GNE: variants seen among roughly 807,000 people sequenced by gnomAD.
GNE encodes the protein glucosamine (UDP-N-acetyl)-2-epimerase/N-acetylmannosamine kinase, also known as bifunctional UDP-N-acetylglucosamine 2-epimerase/N-acetylmannosamine kinase.
Under a neutral mutation model 61.8 loss-of-function variants are expected in GNE, and 41 were observed. The ratio of observed to expected loss-of-function variants is 0.66; its 90% confidence interval spans 0.52 to 0.86. GNE has a LOEUF of 0.86. Among genes scored for constraint, GNE ranks in the 40% least tolerant of loss-of-function variants. The pLI, the probability that GNE is intolerant of heterozygous loss-of-function variation, is 0.00. For synonymous variants in GNE, 264 were observed against 326.4 expected (o/e 0.81, Z 2.06); for missense variants, 608 against 909.1 (o/e 0.67, Z 4.26).
rs192847467 is a variant in GNE, at chr9:36,222,740, T to G, written c.1633+37A>C. On this transcript the variant is annotated intron_variant, in intron 9 of 11. Coordinates refer to ENST00000642385, the MANE Select transcript of GNE (RefSeq NM_005476.7). ...GTTGAAGACATGCTCCAATATACATTCTAGCTCCTGAACCAACCTCCCCCT... is the reference window on the plus strand; with the variant it reads ...GTTGAAGACATGCTCCAATATACATGCTAGCTCCTGAACCAACCTCCCCCT... 16 of 1,341,338 alleles carry G rather than the reference T, an allele frequency of 1.2e-5. No homozygotes were observed. The Admixed American group carries it at 2.7e-4, about 22-fold the overall frequency. 83.1% of individuals were successfully genotyped at this position (1,341,338 alleles called of 1,614,324 possible). A position where few individuals can be genotyped will look rare whatever the true frequency, so the allele number is the denominator to read the frequency against.
intron 9 of GNE, among the ~76,000 whole-genome samples, chr9:36,220,510 C>T (rs1043339629): frequency 6.6e-6 from 1 of 152,148 alleles, no homozygotes; most frequent in Non-Finnish European, 1.5e-5. Flanking sequence ...GTTCAGCCCC[C>T]TTTGCCCTCA....
At chr9:36,230,432 G>A (rs1258363114) in intron 5 of GNE, among the ~76,000 whole-genome samples, 1 of 151,708 alleles carries the variant, frequency 6.6e-6, no homozygotes, top group Non-Finnish European at 1.5e-5. Context: ...CCAGAGGTTG[G>A]TCCTGGGCTC....
chr9:36,222,200 C>T (rs574016745), intron 9 of GNE, among the ~76,000 whole-genome samples: 5 of 152,022 alleles, frequency 3.3e-5, no homozygotes, highest in South Asian at 4.2e-4. Context: ...GGGCGGATCA[C>T]GAGGTCAGGA....
chr9:36,251,096 C>G (rs1414317122), intron 1 of GNE, among the ~76,000 whole-genome samples: 1 of 152,194 alleles, frequency 6.6e-6, no homozygotes, highest in Non-Finnish European at 1.5e-5. Context: ...ACTAGTGAAT[C>G]TCCGTATATC....
upstream of GNE, among the ~76,000 whole-genome samples, chr9:36,260,608 G>A (rs1225240711): frequency 6.6e-6 from 1 of 151,852 alleles, no homozygotes; most frequent in Non-Finnish European, 1.5e-5. Flanking sequence ...GGTGGCTCAC[G>A]CCTGTAATCC....
intron 3 of GNE, among the ~76,000 whole-genome samples, chr9:36,245,713 A>G (rs1829842924): frequency 6.6e-6 from 1 of 152,168 alleles, no homozygotes; most frequent in Non-Finnish European, 1.5e-5. Context: ...ATGGCATATT[A>G]CACTTATAAT....
At chr9:36,274,068 CTGTGTGTGTGTGTGTGTGTGTGTGTG>C (rs71336439) in intron 1 of GNE, among the ~76,000 whole-genome samples, 1 of 142,222 alleles carries the variant, frequency 7.0e-6, no homozygotes, top group East Asian at 2.1e-4. Context: ...GTCTATGGTA[CTGTGTGTGTGTGTGTGTGTGTGTGTG>C]TGTGTGTGTG....
chr9:36,227,958 G>C (rs35422745), intron 6 of GNE, among the ~76,000 whole-genome samples: 4 of 150,644 alleles, frequency 2.7e-5, no homozygotes, highest in Non-Finnish European at 5.9e-5. Context: ...GCTTGAACCC[G>C]GGAAGCGGAG....
intron 6 of GNE, among the ~76,000 whole-genome samples, chr9:36,228,793 C>CAAAAAAAAAA: frequency 1.4e-5 from 1 of 72,578 alleles, no homozygotes; most frequent in Non-Finnish European, 2.8e-5. Context: ...GAGTCCATCT[C>CAAAAAAAAAA]AAAAAAAAAA....
chr9:36,229,131 T>C, intron 5 of GNE, 23 bp from the exon 6 acceptor site: 2 of 1,323,678 alleles, frequency 1.5e-6, no homozygotes, highest in Non-Finnish European at 2.2e-6. Context: ...AGTGACACAT[T>C]ACAAGGATTT....
chr9:36,237,654 T>TA (rs200265632), intron 3 of GNE, among the ~76,000 whole-genome samples: 3,180 of 137,934 alleles, frequency 0.023, 90 homozygotes, highest in East Asian at 0.14. Context: ...ACTTTTTTTT[T>TA]TAATTAAGTT....
Position 36,218,828 on chromosome 9 carries a change from T to C in GNE, c.1817-529A>G, listed in dbSNP as rs1828454121. 1.3e-5 allele frequency among the ~76,000 whole-genome samples: 2 copies of C among 152,212 alleles called. No homozygotes were observed. Among genetic ancestry groups the C allele is most frequent in the South Asian group, 4.1e-4 (2 of 4,826 alleles). The stretch of plus-strand genomic sequence containing the variant: ...CCTCCTTCCTAGAAGATGAGACCAG[T>C]AGTGCCTCCCCTGGCAGGGTTATTT... On this transcript the variant is annotated intron_variant, in intron 10 of 11. Transcript: ENST00000642385. This position sits in a 1 kb window ranked among gnomAD's most constrained non-coding sequence, Gnocchi z 4.1.
chr9:36,268,152 T>C (rs894085923), intron 1 of GNE, among the ~76,000 whole-genome samples: 1 of 151,532 alleles, frequency 6.6e-6, no homozygotes, highest in Admixed American at 6.6e-5. Flanking sequence ...AAAAAAAGTA[T>C]CATATTGTAA....
At chr9:36,239,101 T>G (rs531422576) in intron 3 of GNE, among the ~76,000 whole-genome samples, 1 of 152,352 alleles carries the variant, frequency 6.6e-6, no homozygotes, top group South Asian at 2.1e-4. Context: ...TGCCTATTTT[T>G]GTACCAGTAA....
chr9:36,268,741 G>GA (rs1421894575), intron 1 of GNE, among the ~76,000 whole-genome samples: 6 of 152,154 alleles, frequency 3.9e-5, no homozygotes, highest in Non-Finnish European at 8.8e-5. Flanking sequence ...CAACAGCACT[G>GA]AATATCAGTA....
intron 6 of GNE, among the ~76,000 whole-genome samples, chr9:36,228,239 T>G (rs1192869434): frequency 6.6e-6 from 1 of 151,892 alleles, no homozygotes. Context: ...TTCAGCAACA[T>G]TGTAACTAAG....
intron 1 of GNE, among the ~76,000 whole-genome samples, chr9:36,255,296 C>T (rs1342973378): frequency 1.3e-5 from 2 of 152,046 alleles, no homozygotes; most frequent in African/African-American, 4.8e-5. Context: ...TAACCTCCAC[C>T]TCCCGGGTTC....
At chr9:36,272,590 C>T (rs566210269) in intron 1 of GNE, among the ~76,000 whole-genome samples, 119 of 132,106 alleles carry the variant, frequency 9.0e-4, no homozygotes, top group African/African-American at 3.1e-3. Context: ...CATTGCACTC[C>T]AGCCTGGGCG....
chr9:36,253,240 A>G (rs1333280755), intron 1 of GNE, among the ~76,000 whole-genome samples: 2 of 151,848 alleles, frequency 1.3e-5, no homozygotes, highest in Non-Finnish European at 2.9e-5. Flanking sequence ...ATATTACAAA[A>G]TTGGTAACAT....
Sources: allele counts gnomAD v4.1 joint callset (sites outside exome capture counted in the v4.1 genomes callset), GRCh38; gene constraint gnomAD v4.1.1; non-coding constraint Gnocchi (gnomAD v3.1); transcripts MANE v1.5; gene names NCBI Gene and HGNC (gene_info 2026-07-23, HGNC 2026-07-21).